Variants in COL19A1 observed in about 807,000 individuals in gnomAD.
The protein encoded by COL19A1 is collagen alpha-1(XIX) chain.
Under a neutral mutation model 190.2 loss-of-function variants are expected in COL19A1, and 159 were observed. That is an observed-to-expected ratio of 0.84 (90% CI 0.73 to 0.95). The LOEUF is 0.95. COL19A1 is among the 40% of genes least tolerant of loss of function. COL19A1 has a pLI of 0.00. For synonymous variants in COL19A1, 509 were observed against 458.9 expected, an observed-to-expected ratio of 1.11 and a Z score of -1.39; for missense variants, 1,418 against 1,431.9, an observed-to-expected ratio of 0.99 and a Z score of 0.16.
At position 70,199,369 on chromosome 6, in the gene COL19A1, G is replaced by A. The variant is rs658805; in HGVS notation, c.3095-239G>A. On this transcript the variant is annotated intron_variant, in intron 48 of 50. Transcript: ENST00000620364. ...TCCACTAGATTGTTACATCTCAGAA[G>A]CACTGAAAATTCTCAGACTTTCTGA... Among the ~76,000 whole-genome samples, 50,491 of 152,028 alleles carry A rather than the reference G, an allele frequency of 0.33. 8,769 individuals are homozygous for A. The highest frequency in any genetic ancestry group is 0.42 in the African/African-American group (17,333 of 41,462).
chr6:69,957,905 A>G (rs574002234), intron 9 of COL19A1, among the ~76,000 whole-genome samples: 1 of 152,322 alleles, frequency 6.6e-6, no homozygotes, highest in South Asian at 2.1e-4. Flanking sequence ...CACATTTCCT[A>G]TGAGATAATC....
At chr6:69,934,301 C>T (rs1014640819) in intron 7 of COL19A1, among the ~76,000 whole-genome samples, 3 of 151,930 alleles carry the variant, frequency 2.0e-5, no homozygotes, top group African/African-American at 7.2e-5. Flanking sequence ...AATCTACAGA[C>T]TTGAAATACC....
intron 11 of COL19A1, among the ~76,000 whole-genome samples, chr6:69,996,248 CA>C (rs1463700941): frequency 2.0e-5 from 3 of 152,084 alleles, no homozygotes; most frequent in Admixed American, 2.0e-4. Context: ...TAGAAAAAGA[CA>C]TGTATATTCG....
At chr6:70,044,455 A>G (rs541198431) in intron 14 of COL19A1, among the ~76,000 whole-genome samples, 1 of 152,238 alleles carries the variant, frequency 6.6e-6, no homozygotes, top group Non-Finnish European at 1.5e-5. Context: ...CTTTTGGTGT[A>G]TCTCAGCTTT....
chr6:70,115,148 C>G (rs1230171703), intron 16 of COL19A1, among the ~76,000 whole-genome samples: 1 of 152,220 alleles, frequency 6.6e-6, no homozygotes, highest in Middle Eastern at 3.2e-3. Flanking sequence ...TTGGTACTGT[C>G]TTCTCCTGTC....
In COL19A1 at chr6:70,211,364, AT is replaced by A. The variant is rs1332875725; in HGVS notation, c.*4092del. On this transcript the variant is annotated 3_prime_UTR_variant, in exon 51 of 51. Coordinates refer to ENST00000620364, the MANE Select transcript of COL19A1 (RefSeq NM_001858.6). ...ATTTGTCCATTGCTCTTGTTCTTAA[AT>A]TATTTTTCATACTTGTCTGTATCCA... Among the ~76,000 whole-genome samples, 1 of 151,876 alleles carries A rather than the reference AT, an allele frequency of 6.6e-6. No individual in the cohort carries two copies. The highest frequency in any genetic ancestry group is 1.5e-5 in the Non-Finnish European group (1 of 67,930).
intron 17 of COL19A1, among the ~76,000 whole-genome samples, chr6:70,122,163 TA>T (rs1784922180): frequency 6.6e-6 from 1 of 152,184 alleles, no homozygotes; most frequent in African/African-American, 2.4e-5. Flanking sequence ...ATAAGTTTTT[TA>T]AAAATTTTGT....
chr6:70,161,633 C>T (rs1455348976), intron 34 of COL19A1, among the ~76,000 whole-genome samples: 1 of 152,092 alleles, frequency 6.6e-6, no homozygotes, highest in Non-Finnish European at 1.5e-5. Context: ...GTGTACACTA[C>T]TTGGGTGATG....
Position 69,874,475 on chromosome 6 carries a change from G to C in COL19A1, c.-32-5061G>C, listed in dbSNP as rs113206533. On this transcript the variant is annotated intron_variant, in intron 1 of 50. Coordinates refer to ENST00000620364, the MANE Select transcript of COL19A1 (RefSeq NM_001858.6). ...ATTTTAGAAATGTGCAGAGAGGCTG[G>C]GTGTGGTGGCTCACACCTGTAATCC... 8.7e-3 allele frequency among the ~76,000 whole-genome samples: 1,330 copies of C among 152,308 alleles called. 21 individuals are homozygous for C. Among genetic ancestry groups the C allele is most frequent in the African/African-American group, 0.031 (1,269 of 41,566 alleles).
intron 2 of COL19A1, among the ~76,000 whole-genome samples, chr6:69,895,544 T>C (rs1272195747): frequency 6.6e-6 from 1 of 152,216 alleles, no homozygotes; most frequent in East Asian, 1.9e-4. Flanking sequence ...GGACTCTGTC[T>C]AGGCCAGAGT....
rs199584763 is a variant in COL19A1, at chr6:70,180,399, A to G, written c.2712+43A>G. On this transcript the variant is annotated intron_variant, in intron 43 of 50. Transcript: ENST00000620364. ...TTCATGACAGTTGTACTTGTGTTGT[A>G]CTTGCATGCAGTTTTAAAACATTTG... The G allele has an allele frequency of 6.8e-6, 11 of 1,614,004 alleles. No homozygotes were observed. In the Admixed American group the frequency reaches 1.5e-4, roughly 22 times the overall value.
chr6:69,982,147 A>C (rs1169267394), intron 11 of COL19A1, among the ~76,000 whole-genome samples: 2 of 152,168 alleles, frequency 1.3e-5, no homozygotes, highest in African/African-American at 4.8e-5. Flanking sequence ...GTTAAGAAGA[A>C]TAATTCTGTT....
chr6:69,952,158 A>G (rs1774162255), intron 9 of COL19A1, among the ~76,000 whole-genome samples: 3 of 151,890 alleles, frequency 2.0e-5, no homozygotes, highest in Non-Finnish European at 1.5e-5. Flanking sequence ...CCTATTAAGA[A>G]TCATTATGCA....
intron 13 of COL19A1, among the ~76,000 whole-genome samples, chr6:70,035,559 C>T (rs542690032): frequency 1.4e-4 from 21 of 152,158 alleles, no homozygotes; most frequent in South Asian, 2.1e-4. Flanking sequence ...TATCTATCGC[C>T]GTGACACTTC....
chr6:70,181,407 C>G lies in COL19A1; in HGVS notation c.2775+884C>G, dbSNP rs1766165383. 2.0e-5 allele frequency among the ~76,000 whole-genome samples: 3 copies of G among 152,214 alleles called. No individual in the cohort carries two copies. The South Asian group carries it at 6.2e-4, about 32-fold the overall frequency. ...CTTAAGTGCCATGACATATGGAAAG[C>G]ATTTCCAGTGCCTGGCTATGGGAGG... On this transcript the variant is annotated intron_variant, in intron 44 of 50. Transcript: ENST00000620364.
intron 2 of COL19A1, among the ~76,000 whole-genome samples, chr6:69,889,313 T>C (rs924736192): frequency 3.9e-5 from 6 of 152,208 alleles, no homozygotes; most frequent in Non-Finnish European, 7.3e-5. Context: ...TATGAAGAAA[T>C]AGGAAAACCA....
intron 4 of COL19A1, among the ~76,000 whole-genome samples, chr6:69,910,762 G>A (rs2149986283): frequency 6.6e-6 from 1 of 152,218 alleles, no homozygotes; most frequent in Admixed American, 6.5e-5. Context: ...GCCTGGTAGG[G>A]TTGTGTGAAT....
Position 70,156,166 on chromosome 6 carries a change from A to T in COL19A1, c.2119A>T (p.Lys707Ter), listed in dbSNP as rs569823048. Reference protein sequence around the residue: ...GNCQASVPGLKSNKGEEGGAG... With the variant: ...GNCQASVPGL Reference sequence around the variant, plus strand: ...CTGCCAAGCCAGTGTCCCAGGGCTGAAAAGCAACAAAGGAGAAGAAGGAGG... The same window carrying T: ...CTGCCAAGCCAGTGTCCCAGGGCTGTAAAGCAACAAAGGAGAAGAAGGAGG... Residue 707 changes from lysine (K) to a stop codon, truncating the protein, a stop_gained, in exon 32 of 51, where the codon AAA (lysine) becomes TAA (stop). Coordinates refer to ENST00000620364, the MANE Select transcript of COL19A1 (RefSeq NM_001858.6). LOFTEE classifies it high-confidence loss of function. 14 of 1,613,268 alleles carry T rather than the reference A, an allele frequency of 8.7e-6. No individual in the cohort carries two copies. The Admixed American group carries it at 1.7e-4, about 19-fold the overall frequency.
chr6:69,940,915 G>T (rs1773426649), intron 9 of COL19A1, among the ~76,000 whole-genome samples: 1 of 152,120 alleles, frequency 6.6e-6, no homozygotes, highest in South Asian at 2.1e-4. Context: ...ATGTGATCTT[G>T]CAACTTTAAT....
Sources: gnomAD v4.1 joint callset for allele counts (sites outside exome capture counted in the v4.1 genomes callset) on GRCh38, gnomAD v4.1.1 for gene constraint, MANE v1.5 for transcripts, NCBI Gene and HGNC (gene_info 2026-07-23, HGNC 2026-07-21) for gene names.